The following PDE12 variants were observed in gnomAD, a reference collection of about 807,000 sequenced individuals.
PDE12 encodes 2',5'-phosphodiesterase 12.
A neutral mutation model predicts 45.4 loss-of-function variants in PDE12; 26 were observed. The observed-to-expected ratio is 0.57, with a 90% confidence interval of 0.42 to 0.79. The LOEUF (loss-of-function observed/expected upper bound fraction) is 0.79, where lower values mean the gene tolerates loss of function less well. Ranked by LOEUF, PDE12 falls within the 30% of genes least tolerant of loss-of-function variation. PDE12 has a pLI of 0.00. For synonymous variants in PDE12, 283 were observed against 323.9 expected (o/e 0.87, Z 1.36); for missense variants, 668 against 790.0 (o/e 0.85, Z 1.85).
At chr3:57,606,538 C>G in the PDE12 span, among the ~76,000 whole-genome samples, 1 of 152,048 alleles carries the variant, frequency 6.6e-6, no homozygotes, top group African/African-American at 2.4e-5. Context: ...AACGAAATAG[C>G]ATGGGAAAAG....
the PDE12 span, among the ~76,000 whole-genome samples, chr3:57,594,253 C>T: frequency 5.3e-5 from 8 of 152,088 alleles, no homozygotes; most frequent in Non-Finnish European, 5.9e-5. Flanking sequence ...AAAATACAGA[C>T]GCTATTGCTT....
At chr3:57,618,472 G>A in the PDE12 span, among the ~76,000 whole-genome samples, 1 of 151,996 alleles carries the variant, frequency 6.6e-6, no homozygotes, top group Non-Finnish European at 1.5e-5. Context: ...GCCCAGGCTT[G>A]AGTGCATGGT....
At chr3:57,579,631 T>C in the PDE12 span, among the ~76,000 whole-genome samples, 1 of 152,192 alleles carries the variant, frequency 6.6e-6, no homozygotes, top group Non-Finnish European at 1.5e-5. Context: ...ATTACCACAG[T>C]ACTGGGCTCT....
At chr3:57,638,731 G>C in the PDE12 span, among the ~76,000 whole-genome samples, 6 of 151,906 alleles carry the variant, frequency 3.9e-5, no homozygotes, top group Admixed American at 1.3e-4. Context: ...CAATATCACC[G>C]ATCATGAGGG....
chr3:57,637,262 T>G, the PDE12 span, among the ~76,000 whole-genome samples: 1 of 152,230 alleles, frequency 6.6e-6, no homozygotes, highest in Non-Finnish European at 1.5e-5. Context: ...TTCTGATTAA[T>G]GAGTGCCCTA....
the PDE12 span, among the ~76,000 whole-genome samples, chr3:57,608,283 A>G: frequency 4.6e-5 from 7 of 152,200 alleles, no homozygotes; most frequent in Non-Finnish European, 7.3e-5. Context: ...CTGCAAAAAC[A>G]TGCCAAATTG....
the PDE12 span, among the ~76,000 whole-genome samples, chr3:57,594,588 CAGG>C: frequency 1.3e-5 from 2 of 152,196 alleles, no homozygotes. Context: ...TGAAGAACAG[CAGG>C]TGTACGAATT....
the PDE12 span, chr3:57,633,428 T>C: frequency 8.5e-5 from 103 of 1,216,824 alleles, 2 homozygotes; most frequent in South Asian, 8.6e-4. Flanking sequence ...TCAGATTCAA[T>C]TGCTATGTAA....
At chr3:57,608,954 A>T in the PDE12 span, among the ~76,000 whole-genome samples, 1 of 152,046 alleles carries the variant, frequency 6.6e-6, no homozygotes, top group African/African-American at 2.4e-5. Context: ...AGCACATCAC[A>T]CTTATTCCAA....
the PDE12 span, chr3:57,634,439 A>T: frequency 6.5e-6 from 3 of 458,914 alleles, no homozygotes; most frequent in Admixed American, 4.9e-5. Context: ...TCTCCCAAAA[A>T]AAAAAAAAAA....
At position 57,565,633 on chromosome 3, in the gene PDE12, C is replaced by G. The variant is rs2069779488; in HGVS notation, c.*5629C>G. 1 of 152,034 alleles carries G rather than the reference C, an allele frequency of 6.6e-6. No homozygotes were observed. The highest frequency in any genetic ancestry group is 6.6e-5 in the Admixed American group (1 of 15,240). 9.4% of individuals were successfully genotyped at this position (152,034 alleles called of 1,614,324 possible). On this transcript the variant is annotated 3_prime_UTR_variant, in exon 3 of 3. Coordinates refer to ENST00000311180, the MANE Select transcript of PDE12 (RefSeq NM_177966.7). ...CCTGGCCAACATGGTGAAACCCTGT[C>G]TCTACTAAAAATACAAAAATTAGCT...
chr3:57,574,036 G>A, the PDE12 span, among the ~76,000 whole-genome samples: 1 of 152,196 alleles, frequency 6.6e-6, no homozygotes, highest in Non-Finnish European at 1.5e-5. Context: ...CTGCTGCCTG[G>A]GTTCAAGTGA....
chr3:57,646,236 A>G, the PDE12 span: 1 of 1,520,040 alleles, frequency 6.6e-7, no homozygotes, highest in Non-Finnish European at 8.8e-7. Context: ...ACAGGTGGGA[A>G]GTGCTGCAAA....
the PDE12 span, among the ~76,000 whole-genome samples, chr3:57,615,717 T>C: frequency 6.6e-6 from 1 of 152,000 alleles, no homozygotes; most frequent in South Asian, 2.1e-4. Flanking sequence ...GGCAGGAGAA[T>C]TGCTTGAACC....
the PDE12 span, among the ~76,000 whole-genome samples, chr3:57,612,600 G>A: frequency 2.0e-5 from 3 of 151,864 alleles, no homozygotes; most frequent in Middle Eastern, 3.4e-3. Context: ...GTGAAACCCC[G>A]TGTCTACTAA....
chr3:57,641,288 A>G, the PDE12 span, among the ~76,000 whole-genome samples: 1 of 143,826 alleles, frequency 7.0e-6, no homozygotes, highest in Non-Finnish European at 1.5e-5. Flanking sequence ...ATATATTTAA[A>G]TATTATATAT....
At chr3:57,607,547 G>C in the PDE12 span, among the ~76,000 whole-genome samples, 33 of 152,148 alleles carry the variant, frequency 2.2e-4, no homozygotes, top group Non-Finnish European at 8.8e-5. Context: ...GTCCTTAAGT[G>C]ACCTGATGGA....
the PDE12 span, among the ~76,000 whole-genome samples, chr3:57,581,527 G>C: frequency 6.6e-6 from 1 of 152,288 alleles, no homozygotes; most frequent in East Asian, 1.9e-4. Flanking sequence ...TTGGCCAAGC[G>C]CAGTAGCTCA....
chr3:57,600,526 G>T, the PDE12 span, among the ~76,000 whole-genome samples: 1 of 141,938 alleles, frequency 7.0e-6, no homozygotes, highest in Non-Finnish European at 1.5e-5. Context: ...AGCCTCCCAA[G>T]TAGCTGGGAC....
Sources: gnomAD v4.1 joint callset for allele counts (sites outside exome capture counted in the v4.1 genomes callset) on GRCh38, gnomAD v4.1.1 for gene constraint, MANE v1.5 for transcripts, NCBI Gene and HGNC (gene_info 2026-07-23, HGNC 2026-07-21) for gene names.